The following BCL2 variants were observed in gnomAD, a reference collection of about 807,000 sequenced individuals.
BCL2 encodes BCL2 apoptosis regulator, also known as apoptosis regulator Bcl-2.
A neutral mutation model predicts 14.2 loss-of-function variants in BCL2; 1 was observed. That is an observed-to-expected ratio of 0.07 (90% CI 0.02 to 0.33). The LOEUF is 0.33. BCL2 is among the 10% of genes least tolerant of loss of function. The pLI is 0.99. For missense variants in BCL2, 247 were observed against 305.9 expected (o/e 0.81, Z 1.44); for synonymous variants, 151 against 137.2 (o/e 1.10, Z -0.70).
At chr18:63,143,591 G>T (rs1347570706) in intron 2 of BCL2, among the ~76,000 whole-genome samples, 1 of 152,268 alleles carries the variant, frequency 6.6e-6, no homozygotes, top group Non-Finnish European at 1.5e-5. Context: ...CGAGCCTGGG[G>T]GACCCTGCCT....
At chr18:63,159,378 C>A (rs760563518) in intron 2 of BCL2, among the ~76,000 whole-genome samples, 1 of 152,194 alleles carries the variant, frequency 6.6e-6, no homozygotes. Context: ...AACATCACTG[C>A]GTCTGGAGTC....
intron 2 of BCL2, among the ~76,000 whole-genome samples, chr18:63,234,192 A>G (rs1910761275): frequency 6.6e-6 from 1 of 152,134 alleles, no homozygotes; most frequent in Non-Finnish European, 1.5e-5. Flanking sequence ...CCCATCACCT[A>G]GGTATTAAGC....
Position 63,127,463 on chromosome 18 carries a change from G to A in BCL2, c.*1162C>T. 4.3e-6 allele frequency: 1 copy of A among 233,938 alleles called. No homozygotes were observed. The highest frequency in any genetic ancestry group is 8.4e-6 in the Non-Finnish European group (1 of 118,476). 14.5% of individuals were successfully genotyped at this position (233,938 alleles called of 1,614,324 possible). A position where few individuals can be genotyped will look rare whatever the true frequency, so the allele number is the denominator to read the frequency against. ...ACGTGAAAACGGGCCTACCTGGAGGGCCCCAGGGTGACAGGCCCAGCCACA... is the reference window on the plus strand; with the variant it reads ...ACGTGAAAACGGGCCTACCTGGAGGACCCCAGGGTGACAGGCCCAGCCACA... On this transcript the variant is annotated 3_prime_UTR_variant, in exon 3 of 3. Coordinates refer to ENST00000333681, the MANE Select transcript of BCL2 (RefSeq NM_000633.3).
chr18:63,259,100 T>C (rs1348201119), intron 2 of BCL2, among the ~76,000 whole-genome samples: 1 of 152,094 alleles, frequency 6.6e-6, no homozygotes, highest in East Asian at 1.9e-4. Context: ...CGCACTGTGG[T>C]GCAGGCTGTG....
intron 2 of BCL2, among the ~76,000 whole-genome samples, chr18:63,258,953 A>G (rs1911570589): frequency 6.6e-6 from 1 of 152,266 alleles, no homozygotes. Flanking sequence ...AATGCCTGAC[A>G]AAGATTTCAG....
At chr18:63,189,458 G>A (rs1915667936) in intron 2 of BCL2, among the ~76,000 whole-genome samples, 1 of 152,130 alleles carries the variant, frequency 6.6e-6, no homozygotes, top group African/African-American at 2.4e-5. Flanking sequence ...AGTTCCTCTA[G>A]TTGAAGGTCC....
At chr18:63,233,196 A>G (rs1212974259) in intron 2 of BCL2, among the ~76,000 whole-genome samples, 1 of 152,198 alleles carries the variant, frequency 6.6e-6, no homozygotes, top group East Asian at 1.9e-4. Flanking sequence ...TCCTAATAGC[A>G]TCGTATTTGG....
intron 2 of BCL2, among the ~76,000 whole-genome samples, chr18:63,292,986 C>T (rs1317965536): frequency 6.6e-6 from 1 of 152,218 alleles, no homozygotes; most frequent in African/African-American, 2.4e-5. Context: ...TGGACCCTCA[C>T]TTTGGTTGGA....
chr18:63,177,444 C>CCG, intron 2 of BCL2, among the ~76,000 whole-genome samples: 1 of 152,300 alleles, frequency 6.6e-6, no homozygotes, highest in East Asian at 1.9e-4. Flanking sequence ...GGCAGGTTCC[C>CCG]CGCGTGCTAA....
chr18:63,257,767 GT>G (rs1302095215), intron 2 of BCL2, among the ~76,000 whole-genome samples: 1 of 152,182 alleles, frequency 6.6e-6, no homozygotes, highest in African/African-American at 2.4e-5. Flanking sequence ...GAGAAATGAG[GT>G]TTCCAAGAAT....
At chr18:63,281,592 A>G (rs972804704) in intron 2 of BCL2, among the ~76,000 whole-genome samples, 3 of 151,782 alleles carry the variant, frequency 2.0e-5, no homozygotes, top group Non-Finnish European at 4.4e-5. Context: ...TCTTGAGCCC[A>G]GAAGGTTAAG....
intron 2 of BCL2, among the ~76,000 whole-genome samples, chr18:63,170,787 G>T (rs938544050): frequency 1.1e-4 from 16 of 152,206 alleles, no homozygotes; most frequent in Admixed American, 5.9e-4. Flanking sequence ...ACGATAATGT[G>T]CAAAGCAGGT....
chr18:63,136,700 G>A (rs1438625514), intron 2 of BCL2, among the ~76,000 whole-genome samples: 1 of 152,222 alleles, frequency 6.6e-6, no homozygotes, highest in African/African-American at 2.4e-5. Flanking sequence ...TGCATCTCTT[G>A]TTAACCCACT....
intron 2 of BCL2, among the ~76,000 whole-genome samples, chr18:63,212,182 T>C (rs7243201): frequency 0.76 from 114,460 of 150,658 alleles, 44,199 homozygotes; most frequent in African/African-American, 0.85. Flanking sequence ...AAAAATTAGC[T>C]GGGCGTGGTG....
At chr18:63,203,068 G>GCTGTTTGCTT (rs2144665992) in intron 2 of BCL2, among the ~76,000 whole-genome samples, 1 of 152,334 alleles carries the variant, frequency 6.6e-6, no homozygotes, top group East Asian at 1.9e-4. Context: ...CCCTTGAGCA[G>GCTGTTTGCTT]AACAGCTTTG....
chr18:63,158,576 G>A (rs1914842007), intron 2 of BCL2, among the ~76,000 whole-genome samples: 1 of 152,166 alleles, frequency 6.6e-6, no homozygotes, highest in South Asian at 2.1e-4. Flanking sequence ...TGTTTAGGCA[G>A]TGGACACAAG....
At chr18:63,317,354 G>C (rs1342116078) in intron 2 of BCL2, 1 of 166,472 alleles carries the variant, frequency 6.0e-6, no homozygotes, top group African/African-American at 2.4e-5. Flanking sequence ...AAAGAATGCA[G>C]CCGATGCAAA....
intron 2 of BCL2, among the ~76,000 whole-genome samples, chr18:63,274,277 C>CTTTT (rs74169950): frequency 0.011 from 919 of 86,750 alleles, 47 homozygotes; most frequent in South Asian, 0.037. Context: ...TAAAGATACT[C>CTTTT]TTTTTTTTTT....
intron 2 of BCL2, among the ~76,000 whole-genome samples, chr18:63,180,899 C>A (rs1372033328): frequency 6.6e-6 from 1 of 152,192 alleles, no homozygotes; most frequent in Non-Finnish European, 1.5e-5. Context: ...CTGTGGGCTC[C>A]CACAGACCAA....
Sources: gnomAD v4.1 joint callset for allele counts (sites outside exome capture counted in the v4.1 genomes callset) on GRCh38, gnomAD v4.1.1 for gene constraint, MANE v1.5 for transcripts, NCBI Gene and HGNC (gene_info 2026-07-23, HGNC 2026-07-21) for gene names.